Variants in DOK5 observed in about 807,000 individuals in gnomAD.
The protein encoded by DOK5 is docking protein 5, also known as downstream of tyrosine kinase 5.
A neutral mutation model predicts 43.3 loss-of-function variants in DOK5; 27 were observed. The observed-to-expected ratio is 0.62, with a 90% CI of 0.46 to 0.86. The LOEUF (loss-of-function observed/expected upper bound fraction) is 0.86, where lower values mean the gene tolerates loss of function less well. DOK5 is among the 40% of genes least tolerant of loss of function. The pLI, the probability that DOK5 is intolerant of heterozygous loss-of-function variation, is 0.00. For synonymous variants in DOK5, 146 were observed against 140.1 expected, an observed-to-expected ratio of 1.04 and a Z score of -0.30; for missense variants, 373 against 392.9, an observed-to-expected ratio of 0.95 and a Z score of 0.43.
intron 2 of DOK5, among the ~76,000 whole-genome samples, chr20:54,560,142 T>C (rs1306776367): frequency 6.6e-6 from 1 of 152,218 alleles, no homozygotes; most frequent in Non-Finnish European, 1.5e-5. Context: ...TGATAACCTT[T>C]TCTGTACTAA....
At chr20:54,644,323 G>A (rs1432371241) in intron 7 of DOK5, among the ~76,000 whole-genome samples, 1 of 152,170 alleles carries the variant, frequency 6.6e-6, no homozygotes, top group Non-Finnish European at 1.5e-5. Flanking sequence ...TGTAATATCA[G>A]CACTTTGGGA....
At chr20:54,517,759 C>A (rs1299110100) in intron 1 of DOK5, among the ~76,000 whole-genome samples, 1 of 152,084 alleles carries the variant, frequency 6.6e-6, no homozygotes, top group African/African-American at 2.4e-5. Context: ...GTGATGAAGT[C>A]ATGAATCACA....
chr20:54,514,421 A>G (rs888544720), intron 1 of DOK5, among the ~76,000 whole-genome samples: 2 of 152,030 alleles, frequency 1.3e-5, no homozygotes, highest in African/African-American at 4.8e-5. Context: ...ATGGCAGGAG[A>G]TCTCTTTTCT....
At chr20:54,526,626 A>C (rs1167428807) in intron 1 of DOK5, among the ~76,000 whole-genome samples, 1 of 152,206 alleles carries the variant, frequency 6.6e-6, no homozygotes, top group Admixed American at 6.5e-5. Context: ...TTAAGAACAC[A>C]AAGAAGATGT....
intron 1 of DOK5, among the ~76,000 whole-genome samples, chr20:54,554,359 T>A (rs1984637510): frequency 6.6e-6 from 1 of 152,218 alleles, no homozygotes; most frequent in Non-Finnish European, 1.5e-5. Context: ...GCATTGACCT[T>A]TCAATTTGGT....
intron 2 of DOK5, among the ~76,000 whole-genome samples, chr20:54,584,077 G>C (rs1985722903): frequency 1.3e-5 from 2 of 152,054 alleles, no homozygotes; most frequent in Non-Finnish European, 2.9e-5. Flanking sequence ...TTGAACCCAG[G>C]AGGCAGAGGT....
intron 1 of DOK5, among the ~76,000 whole-genome samples, chr20:54,552,581 T>TCTACTTATCTATAG (rs1450380394): frequency 6.6e-6 from 1 of 152,168 alleles, no homozygotes; most frequent in Non-Finnish European, 1.5e-5. Flanking sequence ...TTACTTTATA[T>TCTACTTATCTATAG]AGCTACTAAT....
Position 54,571,940 on chromosome 20 carries a change from T to C in DOK5, c.175-16543T>C, listed in dbSNP as rs376936637. On this transcript the variant is annotated intron_variant, in intron 2 of 7. Coordinates refer to ENST00000262593, the MANE Select transcript of DOK5 (RefSeq NM_018431.5). ...TTGCACACGTGTAGTTTCTTTTGCC[T>C]GGAAGCTCATCTTTGTTTTCTTTGC... Among the ~76,000 whole-genome samples the C allele has an allele frequency of 7.4e-4, 113 of 152,298 alleles. 2 individuals are homozygous for C. The Middle Eastern group carries it at 0.027, about 37-fold the overall frequency.
intron 6 of DOK5, among the ~76,000 whole-genome samples, chr20:54,638,795 C>G (rs1187686042): frequency 6.7e-6 from 1 of 149,206 alleles, no homozygotes; most frequent in Non-Finnish European, 1.5e-5. Flanking sequence ...GCTCTTTTGC[C>G]CAGGCTGGAG....
At chr20:54,555,246 C>G (rs1984669843) in intron 2 of DOK5, 1 of 519,692 alleles carries the variant, frequency 1.9e-6, no homozygotes, top group Admixed American at 3.2e-5. Context: ...CTGCTATTTG[C>G]TGTAGCTGTT....
At chr20:54,565,107 C>G (rs1372869376) in intron 2 of DOK5, among the ~76,000 whole-genome samples, 2 of 152,158 alleles carry the variant, frequency 1.3e-5, no homozygotes, top group Non-Finnish European at 2.9e-5. Flanking sequence ...TTCTTTAGTA[C>G]TGTACTCTCA....
At chr20:54,577,116 A>G (rs984827163) in intron 2 of DOK5, among the ~76,000 whole-genome samples, 1 of 152,212 alleles carries the variant, frequency 6.6e-6, no homozygotes, top group African/African-American at 2.4e-5. Context: ...TGGAAGTTCT[A>G]GATTTGAGTA....
chr20:54,648,837 G>C (rs1370348090), intron 7 of DOK5, among the ~76,000 whole-genome samples: 1 of 152,162 alleles, frequency 6.6e-6, no homozygotes, highest in Non-Finnish European at 1.5e-5. Context: ...GAGCACCGGA[G>C]TGTCTGGCCT....
chr20:54,476,771 G>A (rs1981444833), intron 1 of DOK5, among the ~76,000 whole-genome samples: 1 of 152,140 alleles, frequency 6.6e-6, no homozygotes, highest in Admixed American at 6.5e-5. Flanking sequence ...TGTTGACACA[G>A]GCTAGCTCCT....
At chr20:54,492,348 A>G (rs1982215258) in intron 1 of DOK5, among the ~76,000 whole-genome samples, 1 of 152,188 alleles carries the variant, frequency 6.6e-6, no homozygotes, top group Non-Finnish European at 1.5e-5. Flanking sequence ...ATCCTATTAT[A>G]TACTTTGTCC....
chr20:54,642,207 G>A (rs1217022292), intron 6 of DOK5, among the ~76,000 whole-genome samples: 9 of 151,906 alleles, frequency 5.9e-5, no homozygotes, highest in East Asian at 3.9e-4. Flanking sequence ...TTCTTTCCCC[G>A]ATGTGGTTGG....
At chr20:54,504,689 A>G (rs941658907) in intron 1 of DOK5, among the ~76,000 whole-genome samples, 16 of 152,208 alleles carry the variant, frequency 1.1e-4, no homozygotes, top group Non-Finnish European at 1.9e-4. Context: ...GAAATGATGA[A>G]CTAGATGATC....
chr20:54,595,591 T>G (rs2146775562), intron 5 of DOK5, among the ~76,000 whole-genome samples: 1 of 152,342 alleles, frequency 6.6e-6, no homozygotes, highest in South Asian at 2.1e-4. Flanking sequence ...ATCCAAGAAC[T>G]CCACTGGTTA....
intron 1 of DOK5, among the ~76,000 whole-genome samples, chr20:54,504,772 C>T (rs1982744448): frequency 6.6e-6 from 1 of 152,176 alleles, no homozygotes; most frequent in African/African-American, 2.4e-5. Context: ...CTGTCATGGG[C>T]ACACATCAAA....
Sources: gnomAD v4.1 joint callset for allele counts (sites outside exome capture counted in the v4.1 genomes callset) on GRCh38, gnomAD v4.1.1 for gene constraint, MANE v1.5 for transcripts, NCBI Gene and HGNC (gene_info 2026-07-23, HGNC 2026-07-21) for gene names.